Variants in CMKLR1 observed in about 807,000 individuals in gnomAD.
CMKLR1 encodes the protein chemerin-like receptor 1.
In CMKLR1, 6 loss-of-function variants were observed where a neutral mutation model predicts 8.2. The ratio of observed to expected loss-of-function variants is 0.73; its 90% CI spans 0.40 to 1.44. The LOEUF is 1.44. Ranked by LOEUF, CMKLR1 falls within the 40% of genes most tolerant of loss-of-function variation. The pLI, the probability that CMKLR1 is intolerant of heterozygous loss-of-function variation, is 0.02. For missense variants in CMKLR1, 429 were observed against 478.0 expected (o/e 0.90, Z 0.96); for synonymous variants, 178 against 181.2 (o/e 0.98, Z 0.14).
At chr12:108,315,603 T>C (rs1362986537) in intron 2 of CMKLR1, among the ~76,000 whole-genome samples, 1 of 152,098 alleles carries the variant, frequency 6.6e-6, no homozygotes, top group Non-Finnish European at 1.5e-5. Flanking sequence ...TGATCCCCAT[T>C]TGACAGATGA....
At chr12:108,293,843 G>A (rs1469230063) in intron 2 of CMKLR1, among the ~76,000 whole-genome samples, 179 bp from the exon 3 acceptor site, 1 of 152,148 alleles carries the variant, frequency 6.6e-6, no homozygotes, top group Non-Finnish European at 1.5e-5. Context: ...AAGGGATGGA[G>A]CCCCTTGAAC....
At chr12:108,320,991 G>A (rs534721699) in intron 2 of CMKLR1, among the ~76,000 whole-genome samples, 19 of 152,292 alleles carry the variant, frequency 1.2e-4, no homozygotes, top group African/African-American at 4.6e-4. Context: ...CCAGCTGCAG[G>A]GAATATTAGA....
rs1890890582 is a variant in CMKLR1, at chr12:108,289,245, C to T, written c.*2596G>A. Reference sequence around the variant, plus strand: ...GAGTCCTGGGCCCAGAGAGAAGGCTCTGGGCACTAAGTATGTTGGTTGCCT... The same window carrying T: ...GAGTCCTGGGCCCAGAGAGAAGGCTTTGGGCACTAAGTATGTTGGTTGCCT... On this transcript the variant is annotated 3_prime_UTR_variant, in exon 4 of 4. Transcript: ENST00000550402. The T allele has an allele frequency of 6.6e-6, 1 of 152,304 alleles. No individual in the cohort carries two copies. Among genetic ancestry groups the T allele is most frequent in the African/African-American group, 2.4e-5 (1 of 41,466 alleles). The allele number at this position is 152,304 out of a possible 1,614,324, so 9.4% of individuals were successfully genotyped here. A position where few individuals can be genotyped will look rare whatever the true frequency, so the allele number is the denominator to read the frequency against.
At chr12:108,337,203 C>G (rs535345999) in intron 1 of CMKLR1, among the ~76,000 whole-genome samples, 1 of 152,318 alleles carries the variant, frequency 6.6e-6, no homozygotes, top group Non-Finnish European at 1.5e-5. Flanking sequence ...CTCCAGGCTT[C>G]TGTTTCCTAA....
chr12:108,325,084 C>T (rs986397927), intron 2 of CMKLR1, among the ~76,000 whole-genome samples: 10 of 152,284 alleles, frequency 6.6e-5, no homozygotes, highest in South Asian at 2.1e-4. Flanking sequence ...ACGGAGCAGC[C>T]GAGACAGGGC....
intron 2 of CMKLR1, among the ~76,000 whole-genome samples, chr12:108,294,739 G>C (rs1891086157): frequency 6.6e-6 from 1 of 152,122 alleles, no homozygotes; most frequent in African/African-American, 2.4e-5. Context: ...CAGAGCCCAT[G>C]CACTTTTTTC....
Position 108,292,597 on chromosome 12 carries a change from G to C in CMKLR1, c.366C>G (p.Asn122Lys). ...TCAGCAGGAAGACGCTGGTGAACAT[G>C]TTGTGGATGAGAAGGAAGTTGCTGA... ...CKISNFLLIH[N>K]MFTSVFLLTI... The change falls in exon 4 of 4, where the codon AAC becomes AAG. Residue 122 changes from asparagine (N) to lysine (K), a missense_variant. By Grantham distance (94) the Asn-to-Lys change is moderately conservative. Transcript: ENST00000550402. 6.2e-7 allele frequency: 1 copy of C among 1,614,188 alleles called. No individual in the cohort carries two copies. The highest frequency in any genetic ancestry group is 8.5e-7 in the Non-Finnish European group (1 of 1,180,040).
intron 2 of CMKLR1, among the ~76,000 whole-genome samples, chr12:108,306,993 C>T (rs896816420): frequency 9.9e-5 from 15 of 152,250 alleles, no homozygotes; most frequent in African/African-American, 3.6e-4. Flanking sequence ...AAGTATCTTC[C>T]CAGCCATCCA....
chr12:108,294,990 A>C (rs1176917072), intron 2 of CMKLR1, among the ~76,000 whole-genome samples: 1 of 152,228 alleles, frequency 6.6e-6, no homozygotes, highest in Non-Finnish European at 1.5e-5. Context: ...CTCACAATCA[A>C]AGCTTGGGTG....
At chr12:108,317,480 G>C (rs1891762722) in intron 2 of CMKLR1, among the ~76,000 whole-genome samples, 1 of 152,218 alleles carries the variant, frequency 6.6e-6, no homozygotes, top group Non-Finnish European at 1.5e-5. Flanking sequence ...GGTGGGCTCT[G>C]TGTAAACCCC....
chr12:108,310,187 G>GTA (rs532776910), intron 2 of CMKLR1, among the ~76,000 whole-genome samples: 260 of 151,942 alleles, frequency 1.7e-3, no homozygotes, highest in African/African-American at 6.0e-3. Flanking sequence ...GTGTGTGTGT[G>GTA]TGTGTGTGTG....
At position 108,289,644 on chromosome 12, in the gene CMKLR1, T is replaced by A. The variant is rs1890904654; in HGVS notation, c.*2197A>T. The A allele has an allele frequency of 6.6e-6, 1 of 152,194 alleles. No individual in the cohort carries two copies. Among genetic ancestry groups the A allele is most frequent in the Non-Finnish European group, 1.5e-5 (1 of 68,054 alleles). 9.4% of individuals were successfully genotyped at this position (152,194 alleles called of 1,614,324 possible). On this transcript the variant is annotated 3_prime_UTR_variant, in exon 4 of 4. Coordinates refer to ENST00000550402, the MANE Select transcript of CMKLR1 (RefSeq NM_001142343.2). ...GTGACCCGGGACAGGTCCCATCCCA[T>A]CTCGTGCCTCAGTAAATGTGGGAAG...
intron 1 of CMKLR1, among the ~76,000 whole-genome samples, chr12:108,335,686 C>A (rs562701574): frequency 1.8e-4 from 28 of 152,224 alleles, no homozygotes; most frequent in Non-Finnish European, 3.4e-4. Context: ...GGTCTCTTAA[C>A]TCCTTGGAGT....
chr12:108,316,045 C>G (rs566938206), intron 2 of CMKLR1, among the ~76,000 whole-genome samples: 650 of 152,288 alleles, frequency 4.3e-3, no homozygotes, highest in Non-Finnish European at 7.2e-3. Flanking sequence ...TGTGTTCCCC[C>G]CAGGAAGTTC....
intron 2 of CMKLR1, among the ~76,000 whole-genome samples, chr12:108,301,654 T>A (rs911881294): frequency 1.1e-4 from 17 of 152,238 alleles, no homozygotes; most frequent in Admixed American, 1.1e-3. Flanking sequence ...ATTAGAAATG[T>A]CGTCACAGAC....
chr12:108,331,599 A>G (rs186807006), intron 1 of CMKLR1, among the ~76,000 whole-genome samples: 143 of 152,354 alleles, frequency 9.4e-4, no homozygotes, highest in African/African-American at 3.3e-3. Context: ...GTCATCCTAC[A>G]TGGCAAAAGA....
chr12:108,311,640 A>T (rs1891579463), intron 2 of CMKLR1, among the ~76,000 whole-genome samples: 1 of 152,178 alleles, frequency 6.6e-6, no homozygotes, highest in Non-Finnish European at 1.5e-5. Context: ...AAAGAAAAAA[A>T]GTGCCAGGGA....
At chr12:108,300,615 C>T (rs1891243114) in intron 2 of CMKLR1, among the ~76,000 whole-genome samples, 1 of 152,198 alleles carries the variant, frequency 6.6e-6, no homozygotes. Context: ...GATATTGCTT[C>T]CCATCCATCA....
At chr12:108,309,922 C>T (rs1201784594) in intron 2 of CMKLR1, among the ~76,000 whole-genome samples, 1 of 152,186 alleles carries the variant, frequency 6.6e-6, no homozygotes, top group African/African-American at 2.4e-5. Flanking sequence ...TCTTTGTGGA[C>T]ATGAAAAATG....
Sources: allele counts gnomAD v4.1 joint callset (sites outside exome capture counted in the v4.1 genomes callset), GRCh38; gene constraint gnomAD v4.1.1; transcripts MANE v1.5; gene names NCBI Gene and HGNC (gene_info 2026-07-23, HGNC 2026-07-21).